The following GRID2 variants were observed in gnomAD, a reference collection of about 807,000 sequenced individuals.
The protein encoded by GRID2 is glutamate receptor ionotropic, delta-2.
GRID2 carries 33 observed loss-of-function variants against 114.8 expected under a neutral mutation model. That is an observed-to-expected ratio of 0.29 (90% CI 0.22 to 0.38). The LOEUF (loss-of-function observed/expected upper bound fraction) is 0.38, where lower values mean the gene tolerates loss of function less well. Ranked by LOEUF, GRID2 falls within the 10% of genes least tolerant of loss-of-function variation. GRID2 has a pLI of 1.00. For synonymous variants in GRID2, 505 were observed against 449.9 expected (o/e 1.12, Z -1.55); for missense variants, 1,184 against 1,257.7 (o/e 0.94, Z 0.89).
intron 8 of GRID2, among the ~76,000 whole-genome samples, chr4:93,271,147 G>C (rs72872777): frequency 0.029 from 4,406 of 152,272 alleles, 225 homozygotes; most frequent in African/African-American, 0.1. Context: ...AATATCTCTT[G>C]TCTGGGTCAA....
chr4:93,350,200 T>A (rs1579774337), intron 8 of GRID2, among the ~76,000 whole-genome samples: 1 of 152,260 alleles, frequency 6.6e-6, no homozygotes, highest in African/African-American at 2.4e-5. Flanking sequence ...CATCTACCAC[T>A]GCCTGCAGCA....
chr4:93,423,580 T>A (rs1768550080), intron 10 of GRID2, among the ~76,000 whole-genome samples: 1 of 151,904 alleles, frequency 6.6e-6, no homozygotes, highest in South Asian at 2.1e-4. Context: ...TGTTTTCTTT[T>A]TAAAAATGTG....
intron 11 of GRID2, among the ~76,000 whole-genome samples, chr4:93,489,663 GT>G (rs547505174): frequency 1.9e-4 from 29 of 151,884 alleles, no homozygotes; most frequent in Admixed American, 1.3e-3. Flanking sequence ...ATGAGATGAG[GT>G]AGGATTTGGG....
chr4:92,371,466 G>T (rs899479918), intron 1 of GRID2, among the ~76,000 whole-genome samples: 4 of 151,976 alleles, frequency 2.6e-5, no homozygotes, highest in Non-Finnish European at 4.4e-5. Flanking sequence ...AAATCCTAGG[G>T]GTCTTAAGAA....
chr4:92,393,907 T>A (rs1730371922), intron 1 of GRID2, among the ~76,000 whole-genome samples: 1 of 152,204 alleles, frequency 6.6e-6, no homozygotes, highest in East Asian at 1.9e-4. Flanking sequence ...ATAAAAGTTG[T>A]CACTTTGCTG....
At chr4:93,011,335 G>T (rs1578745798) in intron 2 of GRID2, among the ~76,000 whole-genome samples, 1 of 151,684 alleles carries the variant, frequency 6.6e-6, no homozygotes. Context: ...ATCTTTTGGG[G>T]GTTTTAGAGA....
At chr4:92,706,552 T>C (rs1017453469) in intron 2 of GRID2, among the ~76,000 whole-genome samples, 5 of 152,128 alleles carry the variant, frequency 3.3e-5, no homozygotes, top group African/African-American at 1.2e-4. Context: ...TGCTGTCCTC[T>C]AGGGGTGTTT....
chr4:93,055,261 G>C (rs1046909851), intron 2 of GRID2, among the ~76,000 whole-genome samples: 1 of 151,680 alleles, frequency 6.6e-6, no homozygotes, highest in Non-Finnish European at 1.5e-5. Context: ...ACTGCACAAA[G>C]TTCCACCCCT....
chr4:93,184,179 C>A (rs1740171115), intron 4 of GRID2, among the ~76,000 whole-genome samples: 2 of 152,170 alleles, frequency 1.3e-5, no homozygotes, highest in Non-Finnish European at 2.9e-5. Context: ...TAGTCAGGAA[C>A]AAGAAAGGCA....
chr4:93,737,073 T>C (rs189831711), intron 14 of GRID2, among the ~76,000 whole-genome samples: 33 of 152,164 alleles, frequency 2.2e-4, no homozygotes, highest in African/African-American at 7.7e-4. Flanking sequence ...CAGCTAATGA[T>C]TTTTAGTTGT....
At chr4:92,708,174 G>T (rs533025115) in intron 2 of GRID2, among the ~76,000 whole-genome samples, 1 of 152,156 alleles carries the variant, frequency 6.6e-6, no homozygotes, top group South Asian at 2.1e-4. Context: ...CAGTTTAAGC[G>T]AAGGGAATGA....
intron 1 of GRID2, among the ~76,000 whole-genome samples, chr4:92,356,464 A>G (rs1452212401): frequency 1.3e-5 from 2 of 151,630 alleles, no homozygotes; most frequent in Admixed American, 1.3e-4. Context: ...AAAAACATAC[A>G]TGCCCACTGA....
chr4:93,711,475 T>C (rs1034804479), intron 14 of GRID2, among the ~76,000 whole-genome samples: 8 of 152,194 alleles, frequency 5.3e-5, no homozygotes, highest in African/African-American at 1.2e-4. Flanking sequence ...TGCCCAGGAA[T>C]TGCTGTTCTT....
chr4:92,764,776 TG>T, intron 2 of GRID2, among the ~76,000 whole-genome samples: 1 of 151,354 alleles, frequency 6.6e-6, no homozygotes, highest in East Asian at 1.9e-4. Flanking sequence ...GATGCATAGC[TG>T]TTGACTGGAA....
At chr4:92,860,601 A>T (rs898769492) in intron 2 of GRID2, among the ~76,000 whole-genome samples, 2 of 152,142 alleles carry the variant, frequency 1.3e-5, no homozygotes, top group Non-Finnish European at 2.9e-5. Context: ...CTTATCTATG[A>T]AATGTTAACT....
chr4:93,268,146 TC>T (rs1164148756), intron 8 of GRID2, among the ~76,000 whole-genome samples: 1 of 152,236 alleles, frequency 6.6e-6, no homozygotes, highest in East Asian at 1.9e-4. Flanking sequence ...AATGTTGAAC[TC>T]CTGTGTTCCT....
At chr4:93,106,683 T>C (rs1044797577) in intron 3 of GRID2, among the ~76,000 whole-genome samples, 4 of 152,162 alleles carry the variant, frequency 2.6e-5, no homozygotes, top group Non-Finnish European at 5.9e-5. Context: ...CTCTGAATCT[T>C]CTCTCATTGA....
chr4:93,076,865 G>A (rs1045280736), intron 2 of GRID2, among the ~76,000 whole-genome samples: 1 of 151,914 alleles, frequency 6.6e-6, no homozygotes, highest in African/African-American at 2.4e-5. Flanking sequence ...TGATCCACCT[G>A]CTTCGGCCCA....
intron 1 of GRID2, among the ~76,000 whole-genome samples, chr4:92,312,907 T>C (rs1047696672): frequency 1.3e-5 from 2 of 152,062 alleles, no homozygotes; most frequent in African/African-American, 4.8e-5. Flanking sequence ...AAAGTAGAAC[T>C]ATCATTTGAT....
Sources: gnomAD v4.1 joint callset for allele counts (sites outside exome capture counted in the v4.1 genomes callset) on GRCh38, gnomAD v4.1.1 for gene constraint, MANE v1.5 for transcripts, NCBI Gene and HGNC (gene_info 2026-07-23, HGNC 2026-07-21) for gene names.